PHF24: variants seen among roughly 807,000 people sequenced by gnomAD.
PHF24 encodes the protein Galpha inhibitory interacting protein.
A neutral mutation model predicts 42.6 loss-of-function variants in PHF24; 25 were observed. The observed-to-expected ratio is 0.59, with a 90% CI of 0.43 to 0.82. The LOEUF (loss-of-function observed/expected upper bound fraction) is 0.82, where lower values mean the gene tolerates loss of function less well. Ranked by LOEUF, PHF24 falls within the 40% of genes least tolerant of loss-of-function variation. The pLI is 0.00. For missense variants in PHF24, 470 were observed against 538.1 expected, an observed-to-expected ratio of 0.87 and a Z score of 1.25; for synonymous variants, 185 against 204.8, an observed-to-expected ratio of 0.90 and a Z score of 0.83.
At chr9:34,849,399 T>C in the PHF24 span, among the ~76,000 whole-genome samples, 1 of 151,962 alleles carries the variant, frequency 6.6e-6, no homozygotes, top group African/African-American at 2.4e-5. Flanking sequence ...TTAAAGTCTG[T>C]TTTATCAGAG....
chr9:34,966,198 C>T (rs1319984436), intron 1 of PHF24, among the ~76,000 whole-genome samples: 1 of 152,184 alleles, frequency 6.6e-6, no homozygotes, highest in Non-Finnish European at 1.5e-5. Flanking sequence ...CTTATTTCTC[C>T]CCTCCTCCCG....
At chr9:34,823,262 C>G in the PHF24 span, among the ~76,000 whole-genome samples, 1 of 150,050 alleles carries the variant, frequency 6.7e-6, no homozygotes, top group African/African-American at 2.5e-5. Flanking sequence ...TGGTGCTCAC[C>G]TAGGGAAGGG....
In PHF24 at chr9:34,960,172, C is replaced by T. The variant is rs145637357; in HGVS notation, c.-5+1771C>T. Among the ~76,000 whole-genome samples, 106 of 152,262 alleles carry T rather than the reference C, an allele frequency of 7.0e-4. No homozygotes were observed. The South Asian group carries it at 0.017, about 24-fold the overall frequency. Reference sequence around the variant, plus strand: ...TGGATTCTGGTTTCTTGTCCAAAAACGGAGTGGTGAGAGGGCCAAGCAATG... The same window carrying T: ...TGGATTCTGGTTTCTTGTCCAAAAATGGAGTGGTGAGAGGGCCAAGCAATG... On this transcript the variant is annotated intron_variant, in intron 1 of 7. Coordinates refer to ENST00000242315, the Ensembl canonical transcript of PHF24.
the PHF24 span, among the ~76,000 whole-genome samples, chr9:34,740,010 C>T: frequency 2.6e-5 from 4 of 152,100 alleles, no homozygotes; most frequent in African/African-American, 7.2e-5. Context: ...TACAGAGTGT[C>T]GATTGGTGCA....
At chr9:34,853,697 G>A in the PHF24 span, among the ~76,000 whole-genome samples, 6 of 151,254 alleles carry the variant, frequency 4.0e-5, no homozygotes, top group Admixed American at 2.0e-4. Context: ...GCGTAGTGGC[G>A]GGTGCCTGTA....
chr9:34,941,139 A>T, the PHF24 span, among the ~76,000 whole-genome samples: 34 of 152,154 alleles, frequency 2.2e-4, no homozygotes, highest in African/African-American at 8.0e-4. Flanking sequence ...TCCTAGACGC[A>T]TGTATTCTTC....
At chr9:34,806,848 T>C in the PHF24 span, among the ~76,000 whole-genome samples, 18 of 152,254 alleles carry the variant, frequency 1.2e-4, no homozygotes, top group Non-Finnish European at 1.9e-4. Context: ...CAGTTTTGTA[T>C]GGTTCATTCA....
the PHF24 span, among the ~76,000 whole-genome samples, chr9:34,933,797 A>G: frequency 6.6e-6 from 1 of 151,210 alleles, no homozygotes. Flanking sequence ...TTTTTGAGAC[A>G]GAGTCTCGCT....
At chr9:34,936,299 A>G in the PHF24 span, among the ~76,000 whole-genome samples, 6 of 152,276 alleles carry the variant, frequency 3.9e-5, no homozygotes, top group East Asian at 1.9e-4. Flanking sequence ...TCCAGCTCCT[A>G]ACCGCGAGTG....
chr9:34,721,568 G>A, the PHF24 span, among the ~76,000 whole-genome samples: 3 of 152,142 alleles, frequency 2.0e-5, no homozygotes, highest in African/African-American at 4.8e-5. Context: ...GCACCACCAC[G>A]CCCAGATAAT....
the PHF24 span, among the ~76,000 whole-genome samples, chr9:34,866,866 T>C: frequency 1.2e-3 from 188 of 152,284 alleles, 1 homozygote; most frequent in African/African-American, 4.4e-3. Flanking sequence ...CCATTCACCA[T>C]GTTTATCCAG....
At chr9:34,874,536 G>T in the PHF24 span, among the ~76,000 whole-genome samples, 3 of 152,046 alleles carry the variant, frequency 2.0e-5, no homozygotes, top group East Asian at 5.8e-4. Flanking sequence ...TGTTCCTGTT[G>T]GATTGACTCT....
chr9:34,739,538 T>C, the PHF24 span, among the ~76,000 whole-genome samples: 1 of 152,164 alleles, frequency 6.6e-6, no homozygotes, highest in South Asian at 2.1e-4. Context: ...AGGCTCACGG[T>C]GAGTGTTACA....
At chr9:34,770,708 A>G in the PHF24 span, among the ~76,000 whole-genome samples, 1 of 152,088 alleles carries the variant, frequency 6.6e-6, no homozygotes, top group South Asian at 2.1e-4. Context: ...GGATGGCGGT[A>G]TGGGTTAGGT....
the PHF24 span, among the ~76,000 whole-genome samples, chr9:34,787,348 A>G: frequency 4.6e-5 from 7 of 152,076 alleles, no homozygotes; most frequent in Admixed American, 3.3e-4. Flanking sequence ...AGATTCATAA[A>G]CCTGTTCAGT....
the PHF24 span, among the ~76,000 whole-genome samples, chr9:34,852,848 C>T: frequency 6.6e-6 from 1 of 152,294 alleles, no homozygotes; most frequent in Non-Finnish European, 1.5e-5. Context: ...ATGGTCTTGA[C>T]CTCCTTGGCT....
At chr9:34,751,603 G>A in the PHF24 span, among the ~76,000 whole-genome samples, 1 of 152,046 alleles carries the variant, frequency 6.6e-6, no homozygotes, top group African/African-American at 2.4e-5. Flanking sequence ...AATAATAGCT[G>A]GAGACTTTAA....
chr9:34,841,144 C>T, the PHF24 span, among the ~76,000 whole-genome samples: 108 of 152,166 alleles, frequency 7.1e-4, no homozygotes, highest in African/African-American at 2.3e-3. Flanking sequence ...GGACTACAGG[C>T]GCCCGCCACC....
At chr9:34,742,975 G>A in the PHF24 span, among the ~76,000 whole-genome samples, 1 of 152,144 alleles carries the variant, frequency 6.6e-6, no homozygotes, top group African/African-American at 2.4e-5. Context: ...TCACTGCAAT[G>A]GCAGAGTTGG....
Sources: allele counts gnomAD v4.1 joint callset (sites outside exome capture counted in the v4.1 genomes callset), GRCh38; gene constraint gnomAD v4.1.1; transcripts MANE v1.5; gene names NCBI Gene and HGNC (gene_info 2026-07-23, HGNC 2026-07-21).